The following SLC38A4 variants were observed in gnomAD, a reference collection of about 807,000 sequenced individuals.
SLC38A4 encodes solute carrier family 38 member 4.
SLC38A4 carries 20 observed loss-of-function variants against 63.1 expected under a neutral mutation model. The observed-to-expected ratio is 0.32, with a 90% CI of 0.22 to 0.46. SLC38A4 has a LOEUF of 0.46. Ranked by LOEUF, SLC38A4 falls within the 20% of genes least tolerant of loss-of-function variation. The probability of loss-of-function intolerance (pLI) is 1.00; values close to 1 mark genes in which losing one functional copy is unlikely to be tolerated. For missense variants in SLC38A4, 526 were observed against 663.6 expected, an observed-to-expected ratio of 0.79 and a Z score of 2.28; for synonymous variants, 230 against 225.5, an observed-to-expected ratio of 1.02 and a Z score of -0.18.
At chr12:46,804,056 T>C (rs77721949) in intron 1 of SLC38A4, among the ~76,000 whole-genome samples, 9,744 of 152,142 alleles carry the variant, frequency 0.064, 355 homozygotes, top group Middle Eastern at 0.12. Context: ...AGTTATGAGG[T>C]CAGATTGTTT....
Position 46,793,009 on chromosome 12 carries a change from T to C in SLC38A4, c.63A>G (p.Glu21=). The change falls in exon 3 of 17, where the codon GAA becomes GAG. Residue 21 remains glutamate (E), a synonymous_variant. Transcript: ENST00000266579. ...IEPDDESSSG[E]SAPDSYIGIG... ...TCCCGATGTAGCTATCTGGAGCACT[T>C]TCTCCACTGCTGCTCTCATCATCTG... 1.2e-6 allele frequency: 2 copies of C among 1,613,470 alleles called. No individual in the cohort carries two copies. The highest frequency in any genetic ancestry group is 1.7e-6 in the Non-Finnish European group (2 of 1,179,532).
At chr12:46,788,115 C>A in intron 4 of SLC38A4, 84 bp from the exon 5 acceptor site, 1 of 949,834 alleles carries the variant, frequency 1.1e-6, no homozygotes, top group Non-Finnish European at 1.6e-6. Context: ...ACATTATCTG[C>A]AGATTACAGT....
At chr12:46,794,982 G>A (rs1176657466) in intron 2 of SLC38A4, among the ~76,000 whole-genome samples, 1 of 151,580 alleles carries the variant, frequency 6.6e-6, no homozygotes, top group Admixed American at 6.6e-5. Flanking sequence ...ACATGCATAT[G>A]GGTAAAAGAA....
chr12:46,829,645 A>G (rs1354436384), upstream of SLC38A4, among the ~76,000 whole-genome samples: 1 of 152,158 alleles, frequency 6.6e-6, no homozygotes, highest in Non-Finnish European at 1.5e-5. Flanking sequence ...ACTTATATAG[A>G]AAAAAGTCCA....
At chr12:46,805,602 A>G (rs892923888) in intron 1 of SLC38A4, among the ~76,000 whole-genome samples, 2 of 152,068 alleles carry the variant, frequency 1.3e-5, no homozygotes, top group Non-Finnish European at 2.9e-5. Flanking sequence ...TCATACCACA[A>G]TGTAATCTCA....
chr12:46,823,688 G>A (rs1160334248), intron 1 of SLC38A4, among the ~76,000 whole-genome samples: 2 of 152,192 alleles, frequency 1.3e-5, no homozygotes, highest in African/African-American at 2.4e-5. Flanking sequence ...GTGAAATTCC[G>A]AAACCTCAAC....
intron 2 of SLC38A4, among the ~76,000 whole-genome samples, chr12:46,797,157 A>AT (rs1461992656): frequency 1.1e-4 from 16 of 152,252 alleles, no homozygotes; most frequent in African/African-American, 3.9e-4. Context: ...AAGACTTCAT[A>AT]TAACGTGATG....
intron 1 of SLC38A4, among the ~76,000 whole-genome samples, chr12:46,814,836 G>A (rs1245269960): frequency 6.6e-6 from 1 of 151,742 alleles, no homozygotes; most frequent in Non-Finnish European, 1.5e-5. Flanking sequence ...TAAATTCAAG[G>A]CAGTCTTGCA....
upstream of SLC38A4, among the ~76,000 whole-genome samples, chr12:46,830,279 G>T (rs556537836): frequency 1.7e-4 from 24 of 142,918 alleles, no homozygotes; most frequent in Admixed American, 4.2e-4. Context: ...TAGAATTTAA[G>T]AAATTCTCTC....
chr12:46,801,177 G>A (rs989493748), intron 2 of SLC38A4, among the ~76,000 whole-genome samples: 3 of 152,022 alleles, frequency 2.0e-5, no homozygotes, highest in African/African-American at 7.2e-5. Flanking sequence ...TATTATATTA[G>A]AATAATTTCA....
At chr12:46,782,094 A>C (rs188594171) in intron 7 of SLC38A4, among the ~76,000 whole-genome samples, 1 of 152,168 alleles carries the variant, frequency 6.6e-6, no homozygotes, top group East Asian at 1.9e-4. Flanking sequence ...TTTTTTTAAC[A>C]CAAATCATAA....
intron 2 of SLC38A4, among the ~76,000 whole-genome samples, chr12:46,802,444 ACATAACTAAAAAACAGCTT>A (rs879678286): frequency 6.6e-6 from 1 of 152,032 alleles, no homozygotes; most frequent in African/African-American, 2.4e-5. Flanking sequence ...AAACTAACTC[ACATAACTAAAAAACAGCTT>A]CAATAACCTT....
intron 1 of SLC38A4, among the ~76,000 whole-genome samples, chr12:46,806,851 A>G (rs1186044506): frequency 6.6e-6 from 1 of 152,030 alleles, no homozygotes; most frequent in Non-Finnish European, 1.5e-5. Flanking sequence ...CTCAAAATAC[A>G]GTGATTCAGA....
intron 1 of SLC38A4, among the ~76,000 whole-genome samples, chr12:46,809,800 G>T (rs2120886719): frequency 6.6e-6 from 1 of 152,168 alleles, no homozygotes; most frequent in Admixed American, 6.5e-5. Flanking sequence ...ACTTTGGACA[G>T]ATGGTATATT....
At chr12:46,831,555 C>A (rs1002414204) in intron 1 of SLC38A4, among the ~76,000 whole-genome samples, 2 of 152,202 alleles carry the variant, frequency 1.3e-5, no homozygotes, top group African/African-American at 4.8e-5. Context: ...GAACCGCTGG[C>A]GCAGTTTTCA....
chr12:46,784,743 T>C, intron 6 of SLC38A4, 109 bp from the exon 7 acceptor site: 1 of 816,746 alleles, frequency 1.2e-6, no homozygotes, highest in East Asian at 2.7e-5. Flanking sequence ...AAACATCATA[T>C]AGAAATTATA....
In SLC38A4 at chr12:46,825,313, T is replaced by TTATATATATATATATATATATATA. The variant is rs34878223; in HGVS notation, c.-305+589_-305+590insTATATATATATATATATATATATA. Reference sequence around the variant, plus strand: ...TTATAATTACTTTAATATACAAAGTTTATATATATATATATATTCCTTACA... The same window carrying TTATATATATATATATATATATATA: ...TTATAATTACTTTAATATACAAAGTTTATATATATATATATATATATATATATATATATATATATATTCCTTACA... On this transcript the variant is annotated intron_variant, in intron 1 of 16. Coordinates refer to ENST00000266579, the MANE Select transcript of SLC38A4 (RefSeq NM_018018.5). Among the ~76,000 whole-genome samples the TTATATATATATATATATATATATA allele has an allele frequency of 2.6e-3, 370 of 140,396 alleles. 3 individuals are homozygous for TTATATATATATATATATATATATA. The highest frequency in any genetic ancestry group is 0.013 in the East Asian group (62 of 4,628). 92.1% of individuals were successfully genotyped at this position (140,396 alleles called of 152,430 possible). A position where few individuals can be genotyped will look rare whatever the true frequency, so the allele number is the denominator to read the frequency against.
chr12:46,778,399 G>A, intron 11 of SLC38A4, 31 bp from the exon 12 acceptor site: 1 of 1,611,808 alleles, frequency 6.2e-7, no homozygotes, highest in Non-Finnish European at 8.5e-7. Flanking sequence ...CACGTGTTTA[G>A]CATTCCAACA....
At chr12:46,826,495 T>C (rs988762397), upstream of SLC38A4, among the ~76,000 whole-genome samples, 1 of 152,230 alleles carries the variant, frequency 6.6e-6, no homozygotes, top group Non-Finnish European at 1.5e-5. Flanking sequence ...TTCTATACCA[T>C]AGCTGTTGTT....
Sources: gnomAD v4.1 joint callset for allele counts (sites outside exome capture counted in the v4.1 genomes callset) on GRCh38, gnomAD v4.1.1 for gene constraint, MANE v1.5 for transcripts, NCBI Gene and HGNC (gene_info 2026-07-23, HGNC 2026-07-21) for gene names.